Variants in CINP observed in about 807,000 individuals in gnomAD.
CINP encodes cyclin-dependent kinase 2-interacting protein.
A neutral mutation model predicts 20.5 loss-of-function variants in CINP; 11 were observed. The observed-to-expected ratio is 0.54, with a 90% CI of 0.34 to 0.89. The LOEUF is 0.89. CINP is among the 40% of genes least tolerant of loss of function. CINP has a pLI of 0.02. For missense variants in CINP, 213 were observed against 251.0 expected (o/e 0.85, Z 1.02); for synonymous variants, 108 against 102.1 (o/e 1.06, Z -0.35).
chr14:102,358,253 T>C (rs931589471), intron 2 of CINP, among the ~76,000 whole-genome samples: 1 of 152,134 alleles, frequency 6.6e-6, no homozygotes, highest in Non-Finnish European at 1.5e-5. Flanking sequence ...AACAAAAGAT[T>C]GAGAATATTA....
chr14:102,355,824 A>G lies in CINP; in HGVS notation c.250T>C (p.Tyr84His). The G allele has an allele frequency of 6.2e-7, 1 of 1,614,162 alleles. No homozygotes were observed. The highest frequency in any genetic ancestry group is 8.5e-7 in the Non-Finnish European group (1 of 1,180,000). ...KENEEKVCLE[Y>H]NEELEKLCEE... is the part of the protein sequence containing the mutation. The stretch of plus-strand genomic sequence containing the variant: ...CACAGCTTCTCCAGTTCCTCGTTAT[A>G]TTCCAGACACACCTTTTCTTCATTT... Residue 84 changes from tyrosine (Y) to histidine (H), a missense_variant, in exon 3 of 5, where the codon TAT (tyrosine) becomes CAT (histidine). Tyr to His is a moderately conservative substitution (Grantham distance 83). Coordinates refer to ENST00000216756, the MANE Select transcript of CINP (RefSeq NM_032630.3).
chr14:102,359,692 G>A, intron 1 of CINP, 105 bp from the exon 2 acceptor site: 1 of 725,510 alleles, frequency 1.4e-6, no homozygotes, highest in Non-Finnish European at 2.2e-6. Flanking sequence ...CTGAAATGCT[G>A]TATCAACTGG....
At chr14:102,355,971 C>G in intron 2 of CINP, 74 bp from the exon 3 acceptor site, 1 of 1,501,946 alleles carries the variant, frequency 6.7e-7, no homozygotes, top group Non-Finnish European at 9.1e-7. Context: ...ATAAATTCTA[C>G]AAACCTCTAT....
At chr14:102,349,811 T>C (rs1461901061) in intron 4 of CINP, 108 bp downstream of exon 4, 29 of 1,335,552 alleles carry the variant, frequency 2.2e-5, no homozygotes, top group African/African-American at 3.0e-5. Flanking sequence ...TACTTTTGCA[T>C]TGAATTTGAA....
chr14:102,349,802 A>C, intron 4 of CINP, 117 bp downstream of exon 4: 1 of 1,236,204 alleles, frequency 8.1e-7, no homozygotes, highest in Non-Finnish European at 1.2e-6. Context: ...TCCTCCCGAT[A>C]CTTTTGCATT....
At chr14:102,355,936 T>G in intron 2 of CINP, 39 bp from the exon 3 acceptor site, 1 of 1,599,354 alleles carries the variant, frequency 6.3e-7, no homozygotes, top group Non-Finnish European at 8.5e-7. Flanking sequence ...AAATATACTC[T>G]TTAAGCTTGC....
At chr14:102,359,920 G>A (rs191118145) in intron 1 of CINP, among the ~76,000 whole-genome samples, 5 of 152,186 alleles carry the variant, frequency 3.3e-5, no homozygotes, top group Admixed American at 1.3e-4. Flanking sequence ...AATGGCTCAC[G>A]TTCCCTTCCC....
chr14:102,357,473 T>A (rs1353348278), intron 2 of CINP, among the ~76,000 whole-genome samples: 1 of 151,888 alleles, frequency 6.6e-6, no homozygotes, highest in Non-Finnish European at 1.5e-5. Context: ...AAGGAAAAGT[T>A]ACTGAAGAAA....
At position 102,355,881 on chromosome 14, in the gene CINP, C is replaced by T. The variant is rs1886989211; in HGVS notation, c.193G>A (p.Glu65Lys). The stretch of plus-strand genomic sequence containing the variant: ...GAGGCTGGGCTGCTGCTGTCTAGTT[C>T]TATCTTGTCTTTATTCCTAAACAAA... ...KISLLNKDKIELDSSSPASKE... is the reference protein window; with the variant it reads ...KISLLNKDKIKLDSSSPASKE... Residue 65 changes from glutamate to lysine, a missense_variant, in exon 3 of 5, where the codon GAA becomes AAA. Transcript: ENST00000216756. The T allele has an allele frequency of 1.9e-6, 3 of 1,614,130 alleles. No homozygotes were observed. The highest frequency in any genetic ancestry group is 1.6e-4 in the Middle Eastern group (1 of 6,062).
At chr14:102,357,190 G>GAAACTGGTCTTGAAACT (rs1887016962) in intron 2 of CINP, among the ~76,000 whole-genome samples, 1 of 152,038 alleles carries the variant, frequency 6.6e-6, no homozygotes. Context: ...AGACCAGCCT[G>GAAACTGGTCTTGAAACT]GGCAACATGT....
chr14:102,349,773 A>T, intron 4 of CINP, 146 bp downstream of exon 4: 1 of 953,352 alleles, frequency 1.0e-6, no homozygotes, highest in Non-Finnish European at 1.6e-6. Flanking sequence ...AGAAATGTTT[A>T]AGATGCCTCT....
In CINP at chr14:102,359,479, G is replaced by A. The variant is rs1391166198; in HGVS notation, c.116C>T (p.Thr39Ile). 1 of 1,611,920 alleles carries A rather than the reference G, an allele frequency of 6.2e-7. No individual in the cohort carries two copies. The highest frequency in any genetic ancestry group is 1.7e-5 in the Admixed American group (1 of 59,754). The change falls in exon 2 of 5, where the codon ACC becomes ATC. Residue 39 changes from threonine (T) to isoleucine (I), a missense_variant. Thr to Ile is a moderately conservative substitution (Grantham distance 89). Transcript: ENST00000216756. ...AGTGGTAAAACCTGCATCATTGAGG[G>A]TTTCCCACTTCAGGATTAAATTGTG... ...DWHNLILKWE[T>I]LNDAGFTTAN...
At chr14:102,356,459 T>C (rs1366717168) in intron 2 of CINP, among the ~76,000 whole-genome samples, 1 of 150,978 alleles carries the variant, frequency 6.6e-6, no homozygotes, top group Non-Finnish European at 1.5e-5. Context: ...ATCCTTGGCA[T>C]AGGGCATGGT....
chr14:102,358,708 G>GA (rs774608501), intron 2 of CINP, among the ~76,000 whole-genome samples: 6 of 151,936 alleles, frequency 3.9e-5, no homozygotes, highest in Non-Finnish European at 8.8e-5. Context: ...AATAGAAAAA[G>GA]AAAGTGAGAT....
At chr14:102,350,808 C>CTCT (rs758084110) in intron 3 of CINP, among the ~76,000 whole-genome samples, 1 of 127,868 alleles carries the variant, frequency 7.8e-6, no homozygotes, top group African/African-American at 2.8e-5. Flanking sequence ...CTCTCTCTCT[C>CTCT]TTTTTTTTTT....
chr14:102,348,826 T>A, intron 4 of CINP, 67 bp from the exon 5 acceptor site: 2 of 1,448,634 alleles, frequency 1.4e-6, no homozygotes, highest in Non-Finnish European at 1.9e-6. Context: ...TGGGAAGAAC[T>A]ACATTTTAAC....
intron 4 of CINP, among the ~76,000 whole-genome samples, chr14:102,349,356 C>T (rs1886816884): frequency 6.6e-6 from 1 of 152,162 alleles, no homozygotes; most frequent in African/African-American, 2.4e-5. Context: ...TAAACACATT[C>T]CACTAGGTGA....
At chr14:102,359,179 C>G (rs1165024598) in intron 2 of CINP, among the ~76,000 whole-genome samples, 1 of 143,818 alleles carries the variant, frequency 7.0e-6, no homozygotes, top group Admixed American at 7.2e-5. Flanking sequence ...CCAGCCTAGG[C>G]AACAGAGTGA....
intron 3 of CINP, chr14:102,352,593 C>A (rs778133796): frequency 4.2e-5 from 19 of 453,464 alleles, no homozygotes; most frequent in South Asian, 2.7e-4. Context: ...AATAATAATA[C>A]CCTATAAAAT....
Sources: allele counts gnomAD v4.1 joint callset (sites outside exome capture counted in the v4.1 genomes callset), GRCh38; gene constraint gnomAD v4.1.1; transcripts MANE v1.5; gene names NCBI Gene and HGNC (gene_info 2026-07-23, HGNC 2026-07-21).